The following ARHGEF17 variants were observed in gnomAD, a reference collection of about 807,000 sequenced individuals.
The protein encoded by ARHGEF17 is Rho guanine nucleotide exchange factor 17.
Under a neutral mutation model 174.0 loss-of-function variants are expected in ARHGEF17, and 80 were observed. The ratio of observed to expected loss-of-function variants is 0.46; its 90% CI spans 0.38 to 0.55. The LOEUF (loss-of-function observed/expected upper bound fraction) is 0.55, where lower values mean the gene tolerates loss of function less well. Ranked by LOEUF, ARHGEF17 falls within the 20% of genes least tolerant of loss-of-function variation. ARHGEF17 has a pLI of 0.00. For synonymous variants in ARHGEF17, 1,311 were observed against 1,189.1 expected (o/e 1.10, Z -2.11); for missense variants, 2,886 against 2,839.7 (o/e 1.02, Z -0.37).
intron 1 of ARHGEF17, among the ~76,000 whole-genome samples, chr11:73,331,194 G>C (rs1865197763): frequency 6.6e-6 from 1 of 152,192 alleles, no homozygotes; most frequent in Non-Finnish European, 1.5e-5. Context: ...TTGAGTCCCT[G>C]TTCCCTGGGG....
chr11:73,344,204 T>C (rs1440253533), intron 1 of ARHGEF17, among the ~76,000 whole-genome samples: 1 of 152,332 alleles, frequency 6.6e-6, no homozygotes, highest in South Asian at 2.1e-4. Flanking sequence ...GTGGGCCTGC[T>C]GTTCAGGCTG....
rs1338388039 is a variant in ARHGEF17, at chr11:73,309,220, A to C, written c.582A>C (p.Glu194Asp). 1.9e-6 allele frequency: 3 copies of C among 1,600,224 alleles called. No homozygotes were observed. Among genetic ancestry groups the C allele is most frequent in the African/African-American group, 2.7e-5 (2 of 73,958 alleles). ...SARPLTGPETEGRLRRPQQQQ... is the reference protein window; with the variant it reads ...SARPLTGPETDGRLRRPQQQQ... ...GGCCCCTGACCGGGCCGGAGACCGA[A>C]GGGAGGCTGCGCCGGCCGCAGCAGC... The change falls in exon 1 of 21, where the codon GAA (glutamate) becomes GAC (aspartate). Residue 194 changes from glutamate (E) to aspartate (D), a missense_variant. Glu to Asp is a conservative substitution (Grantham distance 45). Transcript: ENST00000263674.
chr11:73,346,930 G>C lies in ARHGEF17; in HGVS notation c.3240G>C (p.Ser1080=), dbSNP rs762360563. 1 of 1,568,030 alleles carries C rather than the reference G, an allele frequency of 6.4e-7. No individual in the cohort carries two copies. The highest frequency in any genetic ancestry group is 1.2e-5 in the South Asian group (1 of 86,668). ...TGACCCTGCTGGACACAGAGCAGTC[G>C]TATGTGGAGTCGCTGCGCACCCTGA... ...VAMTLLDTEQ[S]YVESLRTLMQ... The change falls in exon 2 of 21, where the codon TCG becomes TCC. Residue 1080 remains serine, a synonymous_variant. Coordinates refer to ENST00000263674, the MANE Select transcript of ARHGEF17 (RefSeq NM_014786.4).
Position 73,311,513 on chromosome 11 carries a change from C to T in ARHGEF17, c.2875C>T (p.His959Tyr). The T allele has an allele frequency of 2.5e-6, 4 of 1,613,210 alleles. No individual in the cohort carries two copies. The highest frequency in any genetic ancestry group is 3.4e-6 in the Non-Finnish European group (4 of 1,180,044). ...CCGGCCCTCCTCCAGACACGTTCGC[C>T]ATGCCAGTGTGCCCGCCACATTTAT... ...RARPSSRHVR[H>Y]ASVPATFMPI... The change falls in exon 1 of 21, where the codon CAT (histidine) becomes TAT (tyrosine). Residue 959 changes from histidine (H) to tyrosine (Y), a missense_variant. Physicochemically the swap from His to Tyr is moderately conservative, Grantham distance 83 (BLOSUM62 2). Transcript: ENST00000263674.
intron 7 of ARHGEF17, 123 bp downstream of exon 7, chr11:73,356,882 C>A (rs1865651340): frequency 6.6e-7 from 1 of 1,504,576 alleles, no homozygotes; most frequent in Non-Finnish European, 9.2e-7. Flanking sequence ...CTGGTCGAGT[C>A]CCCACTCTGC....
At chr11:73,366,870 T>C (rs1865848178) in intron 20 of ARHGEF17, among the ~76,000 whole-genome samples, 3 of 152,100 alleles carry the variant, frequency 2.0e-5, no homozygotes, top group African/African-American at 7.2e-5. Flanking sequence ...TGAAAACCCA[T>C]CTCTACTAAA....
intron 1 of ARHGEF17, among the ~76,000 whole-genome samples, chr11:73,328,823 G>C (rs536786629): frequency 6.6e-5 from 10 of 152,170 alleles, no homozygotes; most frequent in Non-Finnish European, 1.3e-4. Flanking sequence ...GACTGAGACA[G>C]GAACATCAGG....
intron 3 of ARHGEF17, among the ~76,000 whole-genome samples, 173 bp from the exon 4 acceptor site, chr11:73,355,360 C>T (rs555021942): frequency 3.0e-4 from 46 of 152,332 alleles, no homozygotes; most frequent in Middle Eastern, 3.4e-3. Context: ...CATGCACATA[C>T]GCCTAAACAC....
At chr11:73,320,368 T>G (rs59127043) in intron 1 of ARHGEF17, among the ~76,000 whole-genome samples, 21,078 of 151,670 alleles carry the variant, frequency 0.14, 1,743 homozygotes, top group African/African-American at 0.23. Context: ...GGGCGCTGTG[T>G]CTCATGCCTG....
In ARHGEF17 at chr11:73,308,906, G is replaced by A; in HGVS notation, c.268G>A (p.Asp90Asn). 7.3e-7 allele frequency: 1 copy of A among 1,361,658 alleles called. No homozygotes were observed. The highest frequency in any genetic ancestry group is 9.4e-7 in the Non-Finnish European group (1 of 1,063,002). The allele number at this position is 1,361,658 out of a possible 1,614,324, so 84.3% of individuals were successfully genotyped here. Residue 90 changes from aspartate (D) to asparagine (N), a missense_variant, in exon 1 of 21, where the codon GAC (aspartate) becomes AAC (asparagine). Transcript: ENST00000263674. ...GGTTCGCCAGCTCTCCCGGCGCTTC[G>A]ACGCGCCGCGTCTGGACGACGGCTC... ...PSVRQLSRRFDAPRLDDGSAG... is the reference protein window; with the variant it reads ...PSVRQLSRRFNAPRLDDGSAG...
intron 1 of ARHGEF17, among the ~76,000 whole-genome samples, chr11:73,315,053 A>G (rs1864906772): frequency 6.6e-6 from 1 of 152,196 alleles, no homozygotes; most frequent in Non-Finnish European, 1.5e-5. Flanking sequence ...TTCATTCTTC[A>G]ACTGTGAAAG....
chr11:73,334,293 C>A (rs901178585), intron 1 of ARHGEF17, among the ~76,000 whole-genome samples: 4 of 152,160 alleles, frequency 2.6e-5, no homozygotes, highest in Non-Finnish European at 4.4e-5. Context: ...CAGGAAGAGG[C>A]AGAGCATAAA....
rs58725771 is a variant in ARHGEF17, at chr11:73,332,350, C to CGTGTGT, written c.3193-14480_3193-14475dup. ...TATATTTCCCTCCAGGCTTTTTCTCCGTGTGTGTGTGTGTGTGTGTGTGTG... is the reference window on the plus strand; with the variant it reads ...TATATTTCCCTCCAGGCTTTTTCTCCGTGTGTGTGTGTGTGTGTGTGTGTGTGTGTG... On this transcript the variant is annotated intron_variant, in intron 1 of 20. Transcript: ENST00000263674. Among the ~76,000 whole-genome samples the CGTGTGT allele has an allele frequency of 9.1e-3, 1,100 of 120,692 alleles. 15 individuals carry two copies. Among genetic ancestry groups the CGTGTGT allele is most frequent in the East Asian group, 0.035 (123 of 3,530 alleles). The allele number at this position is 120,692 out of a possible 152,430, so 79.2% of individuals were successfully genotyped here.
At chr11:73,325,224 C>T (rs941006978) in intron 1 of ARHGEF17, among the ~76,000 whole-genome samples, 3 of 152,234 alleles carry the variant, frequency 2.0e-5, no homozygotes, top group African/African-American at 7.2e-5. Context: ...AAACCTCCCC[C>T]ACCCCCAGCC....
chr11:73,362,311 A>T, intron 13 of ARHGEF17, 72 bp downstream of exon 13: 1 of 1,449,528 alleles, frequency 6.9e-7, no homozygotes, highest in Non-Finnish European at 9.0e-7. Flanking sequence ...GCACACTCTC[A>T]GGCCGCCCCG....
intron 1 of ARHGEF17, among the ~76,000 whole-genome samples, chr11:73,326,809 G>A (rs894804351): frequency 1.3e-5 from 2 of 152,204 alleles, no homozygotes; most frequent in Non-Finnish European, 2.9e-5. Flanking sequence ...TATAAAGCAG[G>A]CTGATCTCAT....
At chr11:73,357,598 A>G (rs576228903) in intron 9 of ARHGEF17, among the ~76,000 whole-genome samples, 3 of 152,344 alleles carry the variant, frequency 2.0e-5, no homozygotes, top group Admixed American at 2.0e-4. Context: ...GAGCAGCATC[A>G]CTGTAATTAG....
intron 4 of ARHGEF17, 48 bp downstream of exon 4, chr11:73,355,697 C>A (rs763873037): frequency 8.8e-6 from 14 of 1,587,838 alleles, no homozygotes; most frequent in Non-Finnish European, 1.2e-5. Context: ...CACCTTGGGC[C>A]AGCTTTGAGG....
At chr11:73,315,797 G>T (rs916813572) in intron 1 of ARHGEF17, among the ~76,000 whole-genome samples, 11 of 152,178 alleles carry the variant, frequency 7.2e-5, no homozygotes, top group African/African-American at 2.7e-4. Context: ...AAGGGTTGGG[G>T]GATGGACTAG....
Sources: gnomAD v4.1 joint callset for allele counts (sites outside exome capture counted in the v4.1 genomes callset) on GRCh38, gnomAD v4.1.1 for gene constraint, MANE v1.5 for transcripts, NCBI Gene and HGNC (gene_info 2026-07-23, HGNC 2026-07-21) for gene names.